The following KIF13A variants were observed in gnomAD, a reference collection of about 807,000 sequenced individuals.
KIF13A encodes kinesin family member 13A, also known as kinesin-like protein KIF13A.
In KIF13A, 79 loss-of-function variants were observed where a neutral mutation model predicts 212.2. That is an observed-to-expected ratio of 0.37 (90% CI 0.31 to 0.45). The LOEUF (loss-of-function observed/expected upper bound fraction) is 0.45. KIF13A is among the 20% of genes least tolerant of loss of function. The probability of loss-of-function intolerance (pLI) is 1.00; values close to 1 mark genes in which losing one functional copy is unlikely to be tolerated. For missense variants in KIF13A, 1,901 were observed against 2,209.0 expected, an observed-to-expected ratio of 0.86 and a Z score of 2.79; for synonymous variants, 789 against 808.6, an observed-to-expected ratio of 0.98 and a Z score of 0.41.
intron 2 of KIF13A, among the ~76,000 whole-genome samples, chr6:17,938,045 G>T (rs557358143): frequency 7.4e-6 from 1 of 135,144 alleles, no homozygotes; most frequent in East Asian, 2.2e-4. Context: ...ACCGTGCCCC[G>T]CCCTAATTAC....
intron 2 of KIF13A, among the ~76,000 whole-genome samples, chr6:17,911,679 G>T (rs9371025): frequency 6.8e-6 from 1 of 146,198 alleles, no homozygotes; most frequent in Non-Finnish European, 1.5e-5. Context: ...GGGTTGTGGC[G>T]GGGGGTGGTT....
At chr6:17,928,487 G>C (rs1775691470) in intron 2 of KIF13A, among the ~76,000 whole-genome samples, 1 of 152,154 alleles carries the variant, frequency 6.6e-6, no homozygotes, top group African/African-American at 2.4e-5. Flanking sequence ...AAAGGGCAGA[G>C]GAGCCACAAT....
rs915641707 is a variant in KIF13A, at chr6:17,772,955, A to G, written c.4324+523T>C. 1.3e-5 allele frequency among the ~76,000 whole-genome samples: 2 copies of G among 152,152 alleles called. No homozygotes were observed. The highest frequency in any genetic ancestry group is 1.3e-4 in the Admixed American group (2 of 15,270). On this transcript the variant is annotated intron_variant, in intron 36 of 38. Transcript: ENST00000259711. The surrounding 1 kb of genome is among the most constrained non-coding windows in gnomAD (Gnocchi z 4.8). ...GAATATACCTTATATTTTACCTACT[A>G]ATATAAGGTATAAGGTAACAGAACC...
chr6:17,771,861 C>T lies in KIF13A; in HGVS notation c.4476+47G>A, dbSNP rs1759526975. Reference sequence around the variant, plus strand: ...ATGCACACTGCTGCTTCACAGGTGACACAACTCTGCTCTATTCTGCATAGT... The same window carrying T: ...ATGCACACTGCTGCTTCACAGGTGATACAACTCTGCTCTATTCTGCATAGT... On this transcript the variant is annotated intron_variant, in intron 37 of 38. Transcript: ENST00000259711. The surrounding 1 kb of genome is among the most constrained non-coding windows in gnomAD (Gnocchi z 5.4). The T allele has an allele frequency of 1.2e-5, 19 of 1,589,344 alleles. No individual in the cohort carries two copies. Among genetic ancestry groups the T allele is most frequent in the Non-Finnish European group, 1.6e-5 (19 of 1,160,652 alleles).
chr6:17,960,161 T>A (rs76298168), intron 2 of KIF13A, among the ~76,000 whole-genome samples: 2,046 of 152,262 alleles, frequency 0.013, 22 homozygotes, highest in Non-Finnish European at 0.019. Context: ...CATGGGGAAA[T>A]TTTAGGAGTT....
At chr6:17,983,740 A>G (rs1394473063) in intron 2 of KIF13A, among the ~76,000 whole-genome samples, 1 of 152,026 alleles carries the variant, frequency 6.6e-6, no homozygotes, top group Non-Finnish European at 1.5e-5. Flanking sequence ...CGCCCACCCT[A>G]GCCTCCCAAA....
Position 17,837,352 on chromosome 6 carries a change from A to T in KIF13A, c.942+120T>A. 1.4e-6 allele frequency: 1 copy of T among 714,614 alleles called. No individual in the cohort carries two copies. The highest frequency in any genetic ancestry group is 2.4e-6 in the Non-Finnish European group (1 of 421,658). The allele number at this position is 714,614 out of a possible 1,614,324, so 44.3% of individuals were successfully genotyped here. ...TTTTCATTCTGTGTTCCTAGGAATT[A>T]GAATAACTGTCATCAGGAGAGTTCT... On this transcript the variant is annotated intron_variant, in intron 10 of 38. Coordinates refer to ENST00000259711, the MANE Select transcript of KIF13A (RefSeq NM_022113.6). This position sits in a 1 kb window ranked among gnomAD's most constrained non-coding sequence, Gnocchi z 5.4.
chr6:17,821,821 A>C (rs1182581605), intron 16 of KIF13A: 1 of 1,535,208 alleles, frequency 6.5e-7, no homozygotes, highest in African/African-American at 1.4e-5. Context: ...CTTCGTCTGA[A>C]ACCACATGAG....
intron 2 of KIF13A, among the ~76,000 whole-genome samples, chr6:17,917,471 C>G (rs1774642847): frequency 6.6e-6 from 1 of 152,004 alleles, no homozygotes; most frequent in African/African-American, 2.4e-5. Context: ...AAACCCCTGG[C>G]CTCAAGTTAT....
intron 4 of KIF13A, among the ~76,000 whole-genome samples, chr6:17,860,191 T>C (rs1010132900): frequency 6.6e-6 from 1 of 152,028 alleles, no homozygotes; most frequent in Non-Finnish European, 1.5e-5. Context: ...TGCACAATTT[T>C]TTTTTCTTTC....
At chr6:17,812,708 T>G (rs1763535643) in intron 17 of KIF13A, 1 of 152,236 alleles carries the variant, frequency 6.6e-6, no homozygotes, top group Admixed American at 6.5e-5. Flanking sequence ...GTGAGATGGC[T>G]GGGTGAAATG....
chr6:17,958,671 T>C (rs1451203043), intron 2 of KIF13A, among the ~76,000 whole-genome samples: 1 of 152,198 alleles, frequency 6.6e-6, no homozygotes, highest in Non-Finnish European at 1.5e-5. Flanking sequence ...CATTTCTTCA[T>C]CTTCACCTTG....
intron 2 of KIF13A, among the ~76,000 whole-genome samples, chr6:17,943,572 A>G (rs1301034515): frequency 6.6e-6 from 1 of 151,974 alleles, no homozygotes; most frequent in Admixed American, 6.6e-5. Flanking sequence ...ACAGGTCTAG[A>G]GTGGAGGCTG....
Position 17,850,496 on chromosome 6 carries a change from C to G in KIF13A, c.583-39G>C. On this transcript the variant is annotated intron_variant, in intron 7 of 38. Transcript: ENST00000259711. The surrounding 1 kb of genome is among the most constrained non-coding windows in gnomAD (Gnocchi z 6.2). ...ATAAGGAAAAGACCATAAGCAAAAA[C>G]ACAAGAATGTAGTCCTGCACACCAG... is the stretch of plus-strand genomic sequence containing the variant. 6.3e-7 allele frequency: 1 copy of G among 1,579,894 alleles called. No homozygotes were observed. The highest frequency in any genetic ancestry group is 8.6e-7 in the Non-Finnish European group (1 of 1,162,066).
intron 22 of KIF13A, among the ~76,000 whole-genome samples, chr6:17,797,916 C>G (rs1762181396): frequency 6.6e-6 from 1 of 151,986 alleles, no homozygotes; most frequent in South Asian, 2.1e-4. Context: ...AAAACAAACC[C>G]AAACAGATGA....
intron 4 of KIF13A, among the ~76,000 whole-genome samples, chr6:17,862,250 C>T (rs9465078): frequency 0.035 from 5,346 of 152,120 alleles, 323 homozygotes; most frequent in African/African-American, 0.12. Context: ...CCCAGTTTAT[C>T]GGTAAAATAA....
At chr6:17,927,631 C>G (rs553789481) in intron 2 of KIF13A, among the ~76,000 whole-genome samples, 1 of 152,250 alleles carries the variant, frequency 6.6e-6, no homozygotes, top group East Asian at 1.9e-4. Flanking sequence ...TTTGATACCA[C>G]TGAATTGTAC....
intron 29 of KIF13A, 47 bp from the exon 30 acceptor site, chr6:17,781,348 T>G: frequency 6.6e-7 from 1 of 1,505,996 alleles, no homozygotes; most frequent in Non-Finnish European, 8.8e-7. Context: ...AAAGTCAGTT[T>G]TTAAGCAAAC....
Position 17,915,702 on chromosome 6 carries a change from C to CTT in KIF13A, c.147-17523_147-17522insAA. ...TCAGGCCAGGCACAGTGGCTCACGC[C>CTT]TGTAATCGCAGCACTTTGGGAGGCT... On this transcript the variant is annotated intron_variant, in intron 2 of 38. Coordinates refer to ENST00000259711, the MANE Select transcript of KIF13A (RefSeq NM_022113.6). The surrounding 1 kb of genome is among the most constrained non-coding windows in gnomAD (Gnocchi z 4.4). Among the ~76,000 whole-genome samples the CTT allele has an allele frequency of 6.6e-6, 1 of 152,158 alleles. No homozygotes were observed. Among genetic ancestry groups the CTT allele is most frequent in the Non-Finnish European group, 1.5e-5 (1 of 68,036 alleles).
Sources: allele counts gnomAD v4.1 joint callset (sites outside exome capture counted in the v4.1 genomes callset), GRCh38; gene constraint gnomAD v4.1.1; non-coding constraint Gnocchi (gnomAD v3.1); transcripts MANE v1.5; gene names NCBI Gene and HGNC (gene_info 2026-07-23, HGNC 2026-07-21).